GSK3B: variants seen among roughly 807,000 people sequenced by gnomAD.
The protein encoded by GSK3B is glycogen synthase kinase 3 beta, also known as glycogen synthase kinase-3 beta.
GSK3B carries 15 observed loss-of-function variants against 56.4 expected under a neutral mutation model. The observed-to-expected ratio is 0.27, with a 90% CI of 0.18 to 0.41. The LOEUF (loss-of-function observed/expected upper bound fraction) is 0.41, where lower values mean the gene tolerates loss of function less well. GSK3B is among the 10% of genes least tolerant of loss of function. GSK3B has a pLI of 1.00. For synonymous variants in GSK3B, 181 were observed against 188.9 expected (o/e 0.96, Z 0.34); for missense variants, 300 against 513.4 (o/e 0.58, Z 4.02).
Position 120,002,127 on chromosome 3 carries a change from A to G in GSK3B, c.201T>C (p.Phe67=). The stretch of plus-strand genomic sequence containing the variant: ...AAAGTTTGGCTTGATATACCACACC[A>G]AATGATCCATTTCCAATCACTTTAG... ...TDTKVIGNGS[F]GVVYQAKLCD... is the part of the protein sequence containing the mutation. Residue 67 remains phenylalanine (F), a synonymous_variant, in exon 2 of 11, where the codon TTT becomes TTC. Coordinates refer to ENST00000264235, the MANE Select transcript of GSK3B (RefSeq NM_001146156.2). The G allele has an allele frequency of 6.2e-7, 1 of 1,612,564 alleles. No homozygotes were observed. The highest frequency in any genetic ancestry group is 8.5e-7 in the Non-Finnish European group (1 of 1,179,206).
At chr3:119,933,057 G>A (rs1224411055) in intron 3 of GSK3B, among the ~76,000 whole-genome samples, 2 of 152,012 alleles carry the variant, frequency 1.3e-5, no homozygotes, top group Non-Finnish European at 2.9e-5. Context: ...AAATCATGCC[G>A]TTGCCCACCC....
chr3:120,046,940 C>T (rs1267826995), intron 1 of GSK3B, among the ~76,000 whole-genome samples: 2 of 152,130 alleles, frequency 1.3e-5, no homozygotes, highest in East Asian at 3.8e-4. Flanking sequence ...TAGACCATCA[C>T]ATTACTTCTT....
chr3:120,074,459 C>G (rs535826221), intron 1 of GSK3B, among the ~76,000 whole-genome samples: 72 of 150,612 alleles, frequency 4.8e-4, no homozygotes, highest in Non-Finnish European at 7.5e-4. Context: ...TCAAGCGATT[C>G]TCCTGCCTCA....
At chr3:120,088,429 A>G (rs1341096643) in intron 1 of GSK3B, among the ~76,000 whole-genome samples, 1 of 152,206 alleles carries the variant, frequency 6.6e-6, no homozygotes, top group East Asian at 1.9e-4. Flanking sequence ...CTATTCACAT[A>G]GGTTTTTATA....
At chr3:119,880,910 G>A (rs531071833) in intron 7 of GSK3B, among the ~76,000 whole-genome samples, 14 of 152,126 alleles carry the variant, frequency 9.2e-5, no homozygotes, top group African/African-American at 1.9e-4. Context: ...AAACAACAGC[G>A]GCAATGACAT....
intron 2 of GSK3B, among the ~76,000 whole-genome samples, chr3:119,971,599 T>A (rs1307860906): frequency 1.5e-5 from 2 of 134,768 alleles, no homozygotes; most frequent in African/African-American, 5.9e-5. Context: ...CTATTTGCAA[T>A]AATTTTTTTT....
chr3:120,073,280 T>A (rs1466736687), intron 1 of GSK3B, among the ~76,000 whole-genome samples: 1 of 144,188 alleles, frequency 6.9e-6, no homozygotes, highest in African/African-American at 2.6e-5. Context: ...TCCTAGCTAA[T>A]TGAAAGGCTG....
At chr3:119,881,935 C>T (rs1211338126) in intron 7 of GSK3B, among the ~76,000 whole-genome samples, 3 of 152,268 alleles carry the variant, frequency 2.0e-5, no homozygotes, top group Non-Finnish European at 2.9e-5. Context: ...TCTTGACTGC[C>T]GCCATCCATG....
chr3:119,907,812 T>G (rs139704562), intron 6 of GSK3B, among the ~76,000 whole-genome samples: 13 of 152,294 alleles, frequency 8.5e-5, no homozygotes, highest in Non-Finnish European at 1.3e-4. Context: ...GAGCTAGGCC[T>G]GGAATCATTC....
intron 1 of GSK3B, among the ~76,000 whole-genome samples, chr3:120,090,667 CAT>C (rs1467148890): frequency 1.3e-5 from 2 of 152,120 alleles, no homozygotes; most frequent in African/African-American, 4.8e-5. Flanking sequence ...TTTATTCCCT[CAT>C]GATTCACAAC....
chr3:119,988,208 G>C (rs1012938506), intron 2 of GSK3B, among the ~76,000 whole-genome samples: 13 of 152,286 alleles, frequency 8.5e-5, no homozygotes, highest in Middle Eastern at 3.4e-3. Context: ...TTAATTCCAT[G>C]AACTAAACTA....
At position 119,910,356 on chromosome 3, in the gene GSK3B, AT is replaced by A. The variant is rs143891467; in HGVS notation, c.715+2347del. On this transcript the variant is annotated intron_variant, in intron 6 of 10. Coordinates refer to ENST00000264235, the MANE Select transcript of GSK3B (RefSeq NM_001146156.2). ...AGACACAATAAAGCAAGTCTCACCAATTTTCTGGTATCCCAGTGCATATAAA... is the reference window on the plus strand; with the variant it reads ...AGACACAATAAAGCAAGTCTCACCAATTTCTGGTATCCCAGTGCATATAAA... Among the ~76,000 whole-genome samples the A allele has an allele frequency of 6.3e-3, 964 of 152,182 alleles. 12 individuals carry two copies. The highest frequency in any genetic ancestry group is 0.02 in the African/African-American group (825 of 41,518).
At position 120,094,214 on chromosome 3, in the gene GSK3B, C is replaced by T; in HGVS notation, c.-780G>A. The T allele has an allele frequency of 8.9e-6, 2 of 225,944 alleles. No individual in the cohort carries two copies. Among genetic ancestry groups the T allele is most frequent in the Non-Finnish European group, 8.9e-6 (1 of 112,778 alleles). The allele number at this position is 225,944 out of a possible 1,614,324, so 14.0% of individuals were successfully genotyped here. Reference sequence around the variant, plus strand: ...TGGGAACCCGGCAACCGCTTCCGTCCCTCGGGGCCCCCTCCCCCGTCCGCG... The same window carrying T: ...TGGGAACCCGGCAACCGCTTCCGTCTCTCGGGGCCCCCTCCCCCGTCCGCG... On this transcript the variant is annotated 5_prime_UTR_variant, in exon 1 of 11. Coordinates refer to ENST00000264235, the MANE Select transcript of GSK3B (RefSeq NM_001146156.2).
Position 120,093,345 on chromosome 3 carries a change from ACTG to A in GSK3B, c.87_88+1del, listed in dbSNP as rs768814416. Reference sequence around the variant, plus strand: ...GGGGTGTAAAATAAAACCAATACTCACTGCTAACTTTCATGCTGCCAAAAGCTG... The same window carrying A: ...GGGGTGTAAAATAAAACCAATACTCACTAACTTTCATGCTGCCAAAAGCTG... On this transcript the variant is annotated splice_donor_variant and coding_sequence_variant, in exon 1 of 11. Transcript: ENST00000264235. LOFTEE classifies it high-confidence loss of function. The A allele has an allele frequency of 6.3e-7, 1 of 1,596,692 alleles. No individual in the cohort carries two copies. Among genetic ancestry groups the A allele is most frequent in the Non-Finnish European group, 8.6e-7 (1 of 1,164,178 alleles).
intron 2 of GSK3B, among the ~76,000 whole-genome samples, chr3:119,949,169 C>CA (rs1430179818): frequency 1.3e-5 from 2 of 152,134 alleles, no homozygotes; most frequent in Non-Finnish European, 2.9e-5. Context: ...ACCAAGGTAA[C>CA]AGAGTATTAA....
chr3:119,862,260 A>C lies in GSK3B; in HGVS notation c.1096+1159T>G, dbSNP rs1272936419. Among the ~76,000 whole-genome samples, 13 of 143,668 alleles carry C rather than the reference A, an allele frequency of 9.0e-5. No homozygotes were observed. In the South Asian group the frequency reaches 2.8e-3, roughly 31 times the overall value. The allele number at this position is 143,668 out of a possible 152,430, so 94.3% of individuals were successfully genotyped here. A position where few individuals can be genotyped will look rare whatever the true frequency, so the allele number is the denominator to read the frequency against. ...GAAATTGGAAACCATCATTCTCAGT[A>C]AACTATCGCAAGAACAAAAAACCAA... On this transcript the variant is annotated intron_variant, in intron 9 of 10. Coordinates refer to ENST00000264235, the MANE Select transcript of GSK3B (RefSeq NM_001146156.2).
intron 2 of GSK3B, among the ~76,000 whole-genome samples, chr3:119,959,154 T>C (rs1447979108): frequency 6.6e-6 from 1 of 152,188 alleles, no homozygotes; most frequent in African/African-American, 2.4e-5. Context: ...TTGCTAGTTC[T>C]TCATAATCTC....
intron 9 of GSK3B, among the ~76,000 whole-genome samples, chr3:119,856,640 G>C (rs2056026731): frequency 6.6e-6 from 1 of 151,996 alleles, no homozygotes; most frequent in Non-Finnish European, 1.5e-5. Context: ...TTCTCCCTGT[G>C]GTGTGTCTCC....
At chr3:120,078,914 T>TACACAAAC (rs1553754441) in intron 1 of GSK3B, among the ~76,000 whole-genome samples, 5 of 138,202 alleles carry the variant, frequency 3.6e-5, no homozygotes, top group Non-Finnish European at 7.8e-5. Context: ...GACAGGAAAT[T>TACACAAAC]ACACACACAC....
Sources: gnomAD v4.1 joint callset for allele counts (sites outside exome capture counted in the v4.1 genomes callset) on GRCh38, gnomAD v4.1.1 for gene constraint, MANE v1.5 for transcripts, NCBI Gene and HGNC (gene_info 2026-07-23, HGNC 2026-07-21) for gene names.